The following TENM2 variants were observed in gnomAD, a reference collection of about 807,000 sequenced individuals.
TENM2 encodes teneurin transmembrane protein 2, also known as teneurin-2.
TENM2 carries 52 observed loss-of-function variants against 245.2 expected under a neutral mutation model. The observed-to-expected ratio is 0.21, with a 90% CI of 0.17 to 0.27. The LOEUF is 0.27. Among genes scored for constraint, TENM2 ranks in the 10% least tolerant of loss-of-function variants. TENM2 has a pLI of 1.00. For missense variants in TENM2, 3,046 were observed against 3,666.8 expected (o/e 0.83, Z 4.37); for synonymous variants, 1,363 against 1,438.9 (o/e 0.95, Z 1.19).
chr5:167,353,500 G>GTTTTTTTTTTT (rs59240930), intron 1 of TENM2, among the ~76,000 whole-genome samples: 14 of 79,456 alleles, frequency 1.8e-4, no homozygotes, highest in African/African-American at 3.2e-4. Context: ...TGTTGTTGTT[G>GTTTTTTTTTTT]TTTTTTTTTT....
At chr5:167,084,366 T>TATATATATATATAC in the TENM2 span, among the ~76,000 whole-genome samples, 87 of 114,852 alleles carry the variant, frequency 7.6e-4, 9 homozygotes, top group Admixed American at 7.0e-3. Flanking sequence ...TATATATATA[T>TATATATATATATAC]ACAGATCAGA....
At chr5:167,687,364 A>C (rs565696063) in intron 2 of TENM2, among the ~76,000 whole-genome samples, 1 of 152,296 alleles carries the variant, frequency 6.6e-6, no homozygotes, top group Admixed American at 6.5e-5. Context: ...GGAGACCCTT[A>C]TTTTCTGAAG....
chr5:168,215,336 TCTC>T (rs1257651200), intron 21 of TENM2, 64 bp downstream of exon 23: 8 of 1,364,616 alleles, frequency 5.9e-6, no homozygotes, highest in Non-Finnish European at 8.3e-6. Context: ...TTGGCTTTCT[TCTC>T]ATCAGAACTT....
At chr5:168,128,598 C>A (rs1413939302) in intron 12 of TENM2, among the ~76,000 whole-genome samples, 2 of 152,238 alleles carry the variant, frequency 1.3e-5, no homozygotes, top group Non-Finnish European at 2.9e-5. Context: ...CCTGCTGGCT[C>A]TCTCCTACCT....
At chr5:167,313,797 C>T (rs111503323) in intron 1 of TENM2, among the ~76,000 whole-genome samples, 1 of 152,126 alleles carries the variant, frequency 6.6e-6, no homozygotes, top group African/African-American at 2.4e-5. Context: ...TATATGTAGT[C>T]ATTTTAATTC....
At chr5:168,235,957 G>A (rs1160133023) in intron 25 of TENM2, among the ~76,000 whole-genome samples, 2 of 152,184 alleles carry the variant, frequency 1.3e-5, no homozygotes, top group Admixed American at 6.5e-5. Flanking sequence ...TCCCAGGCAT[G>A]GAGTTGGGGG....
At chr5:168,002,579 T>C (rs558864756) in intron 5 of TENM2, among the ~76,000 whole-genome samples, 9 of 152,240 alleles carry the variant, frequency 5.9e-5, no homozygotes, top group Non-Finnish European at 1.3e-4. Context: ...GGCTGCCTTA[T>C]GCACCAAATT....
chr5:167,823,542 C>T (rs903898160), intron 2 of TENM2, among the ~76,000 whole-genome samples: 1 of 152,142 alleles, frequency 6.6e-6, no homozygotes, highest in African/African-American at 2.4e-5. Context: ...TATGCAAGGG[C>T]AGTATTTTCT....
chr5:168,030,395 C>G (rs1049859372), intron 5 of TENM2, among the ~76,000 whole-genome samples: 2 of 151,928 alleles, frequency 1.3e-5, no homozygotes, highest in African/African-American at 4.8e-5. Flanking sequence ...GTCAGCCAAG[C>G]CTTGTGCAAT....
At chr5:168,084,214 AACATATG>A (rs1792250035) in intron 7 of TENM2, among the ~76,000 whole-genome samples, 2 of 152,222 alleles carry the variant, frequency 1.3e-5, no homozygotes, top group South Asian at 4.1e-4. Context: ...TGCTGCAATG[AACATATG>A]AGTGCATGTG....
chr5:168,226,058 G>A lies in TENM2; in HGVS notation c.5109-30G>A, dbSNP rs1321504734. The A allele has an allele frequency of 1.1e-5, 17 of 1,599,408 alleles. No homozygotes were observed. The Admixed American group carries it at 2.7e-4, about 25-fold the overall frequency. ...CAGCCCCAATGACTGCTGCTAACCAGGGTTTATCTATCTATCTATCTCCCC... is the reference window on the plus strand; with the variant it reads ...CAGCCCCAATGACTGCTGCTAACCAAGGTTTATCTATCTATCTATCTCCCC... On this transcript the variant is annotated intron_variant, in intron 23 of 28. Coordinates refer to ENST00000518659, the Ensembl canonical transcript of TENM2.
intron 1 of TENM2, chr5:167,287,586 C>G (rs1462670571): frequency 6.6e-6 from 1 of 152,216 alleles, no homozygotes; most frequent in Admixed American, 6.5e-5. Flanking sequence ...GGCCCAGAGT[C>G]AGACCTTGTC....
intron 2 of TENM2, among the ~76,000 whole-genome samples, chr5:167,605,785 G>A (rs1304106237): frequency 6.6e-6 from 1 of 152,122 alleles, no homozygotes; most frequent in Non-Finnish European, 1.5e-5. Context: ...TAGATTATAG[G>A]CACTAGAGAG....
chr5:167,148,520 T>G, the TENM2 span, among the ~76,000 whole-genome samples: 1 of 152,242 alleles, frequency 6.6e-6, no homozygotes, highest in Non-Finnish European at 1.5e-5. Context: ...ATATATTTTC[T>G]TTACTTAAAT....
the TENM2 span, among the ~76,000 whole-genome samples, chr5:166,991,355 A>G: frequency 6.6e-6 from 1 of 151,650 alleles, no homozygotes; most frequent in Non-Finnish European, 1.5e-5. Context: ...TTTAAATTGG[A>G]TATTTGTGTG....
chr5:168,196,624 G>A (rs963290610), intron 15 of TENM2, among the ~76,000 whole-genome samples: 1 of 152,138 alleles, frequency 6.6e-6, no homozygotes, highest in Non-Finnish European at 1.5e-5. Flanking sequence ...ACCACGCCCA[G>A]CTAATTTTTG....
the TENM2 span, among the ~76,000 whole-genome samples, chr5:167,133,045 A>T: frequency 2.0e-5 from 3 of 152,246 alleles, no homozygotes; most frequent in Non-Finnish European, 2.9e-5. Context: ...TCAGAGAGAC[A>T]GTCATCACAG....
At chr5:167,804,441 A>G (rs1329720258) in intron 2 of TENM2, among the ~76,000 whole-genome samples, 2 of 152,124 alleles carry the variant, frequency 1.3e-5, no homozygotes, top group Non-Finnish European at 2.9e-5. Flanking sequence ...CTTGGGTTAC[A>G]TATGTCCTAA....
the TENM2 span, among the ~76,000 whole-genome samples, chr5:167,126,517 C>T: frequency 2.0e-5 from 3 of 151,944 alleles, no homozygotes; most frequent in Admixed American, 1.3e-4. Context: ...TGTATTTCCC[C>T]GATTCTAATC....
Sources: allele counts gnomAD v4.1 joint callset (sites outside exome capture counted in the v4.1 genomes callset), GRCh38; gene constraint gnomAD v4.1.1; transcripts MANE v1.5; gene names NCBI Gene and HGNC (gene_info 2026-07-23, HGNC 2026-07-21).